Variants in ST6GAL1 observed in about 807,000 individuals in gnomAD.
ST6GAL1 encodes the protein beta-galactoside alpha-2,6-sialyltransferase 1.
Under a neutral mutation model 38.0 loss-of-function variants are expected in ST6GAL1, and 20 were observed. The observed-to-expected ratio is 0.53, with a 90% CI of 0.37 to 0.77. The LOEUF (loss-of-function observed/expected upper bound fraction) is 0.77. ST6GAL1 is among the 30% of genes least tolerant of loss of function. ST6GAL1 has a pLI of 0.00. For missense variants in ST6GAL1, 432 were observed against 496.4 expected (o/e 0.87, Z 1.23); for synonymous variants, 196 against 188.2 (o/e 1.04, Z -0.34).
At chr3:187,057,197 A>G (rs1718734867) in intron 5 of ST6GAL1, among the ~76,000 whole-genome samples, 1 of 152,060 alleles carries the variant, frequency 6.6e-6, no homozygotes, top group African/African-American at 2.4e-5. Context: ...CTAGTTAGCC[A>G]TTCATCTAAT....
chr3:186,994,665 T>C (rs755863317), intron 2 of ST6GAL1, among the ~76,000 whole-genome samples: 121 of 152,120 alleles, frequency 8.0e-4, no homozygotes, highest in Admixed American at 1.4e-3. Context: ...ATAGAGACCC[T>C]TTAAAAATAG....
Position 187,076,585 on chromosome 3 carries a change from C to T in ST6GAL1, c.*782C>T. 1 of 363,916 alleles carries T rather than the reference C, an allele frequency of 2.7e-6. No individual in the cohort carries two copies. Among genetic ancestry groups the T allele is most frequent in the Non-Finnish European group, 4.9e-6 (1 of 205,124 alleles). 22.5% of individuals were successfully genotyped at this position (363,916 alleles called of 1,614,324 possible). A position where few individuals can be genotyped will look rare whatever the true frequency, so the allele number is the denominator to read the frequency against. On this transcript the variant is annotated 3_prime_UTR_variant, in exon 8 of 8. Coordinates refer to ENST00000169298, the MANE Select transcript of ST6GAL1 (RefSeq NM_173216.2). ...GAGAGATGGGCTTGCTCTCTCTGTG[C>T]ACCCAGGAGGGCCACGCACTTAAAA...
chr3:187,008,317 AAAGAG>A (rs1716847417), intron 2 of ST6GAL1, among the ~76,000 whole-genome samples: 1 of 151,976 alleles, frequency 6.6e-6, no homozygotes, highest in Admixed American at 6.6e-5. Flanking sequence ...GGAAGGAAGA[AAAGAG>A]AAGAAAGGAA....
chr3:186,945,751 C>T (rs1714336281), intron 1 of ST6GAL1, among the ~76,000 whole-genome samples: 9 of 151,582 alleles, frequency 5.9e-5, no homozygotes, highest in Admixed American at 5.9e-4. Context: ...CTTTGGGAGG[C>T]CAAGGCGGGT....
At chr3:187,048,880 A>ATTTTTTTTTTTTTTTTTTTTT (rs374148828) in intron 4 of ST6GAL1, among the ~76,000 whole-genome samples, 10 of 115,444 alleles carry the variant, frequency 8.7e-5, no homozygotes, top group African/African-American at 3.4e-4. Flanking sequence ...GAGAAATTGA[A>ATTTTTTTTTTTTTTTTTTTTT]TTTTTTTTTT....
rs756704254 is a variant in ST6GAL1, at chr3:186,993,561, TTTATTTATTTATTTA to T, written c.-183+29638_-183+29652del. Among the ~76,000 whole-genome samples, 83 of 77,302 alleles carry T rather than the reference TTTATTTATTTATTTA, an allele frequency of 1.1e-3. 1 individual carries two copies. Among genetic ancestry groups the T allele is most frequent in the African/African-American group, 2.7e-3 (52 of 19,524 alleles). The allele number at this position is 77,302 out of a possible 152,430, so 50.7% of individuals were successfully genotyped here. A position where few individuals can be genotyped will look rare whatever the true frequency, so the allele number is the denominator to read the frequency against. ...AGTTAGATAACTTGACAGAGTTTTA[TTTATTTATTTATTTA>T]TTTATTTATTTATTTATTTATTTAT... On this transcript the variant is annotated intron_variant, in intron 2 of 7. Transcript: ENST00000169298.
At chr3:187,011,031 G>A (rs900078334) in intron 2 of ST6GAL1, among the ~76,000 whole-genome samples, 2 of 152,116 alleles carry the variant, frequency 1.3e-5, no homozygotes, top group East Asian at 3.9e-4. Context: ...CTCTTAATTC[G>A]TCTCAAAGTG....
At chr3:187,006,390 A>C (rs118014022) in intron 2 of ST6GAL1, 2 of 152,328 alleles carry the variant, frequency 1.3e-5, no homozygotes, top group East Asian at 3.9e-4. Context: ...GTATTTATCA[A>C]AACAAAAATT....
intron 2 of ST6GAL1, among the ~76,000 whole-genome samples, chr3:187,005,701 C>A (rs1358282877): frequency 6.6e-6 from 1 of 152,116 alleles, no homozygotes; most frequent in Non-Finnish European, 1.5e-5. Context: ...AAACCTGGTC[C>A]TTGTGCCCAA....
intron 4 of ST6GAL1, among the ~76,000 whole-genome samples, chr3:187,050,598 GAAAA>G (rs1718482079): frequency 6.6e-6 from 1 of 151,470 alleles, no homozygotes; most frequent in Non-Finnish European, 1.5e-5. Flanking sequence ...AGGAAGGAAG[GAAAA>G]GAAGGAAGGA....
intron 1 of ST6GAL1, among the ~76,000 whole-genome samples, chr3:186,956,832 G>A (rs992023935): frequency 3.9e-5 from 6 of 152,142 alleles, no homozygotes; most frequent in African/African-American, 1.4e-4. Flanking sequence ...GACAGCTAAC[G>A]ATCACCAGAT....
chr3:187,051,522 T>G (rs1396924335), intron 5 of ST6GAL1, 176 bp downstream of exon 5: 1 of 596,218 alleles, frequency 1.7e-6, no homozygotes, highest in Non-Finnish European at 3.0e-6. Flanking sequence ...CCTGATGATG[T>G]GTTTATTTAA....
chr3:186,959,435 ACACTC>A (rs1167414883), intron 1 of ST6GAL1, among the ~76,000 whole-genome samples: 1 of 152,164 alleles, frequency 6.6e-6, no homozygotes, highest in Non-Finnish European at 1.5e-5. Context: ...AATGGAGAAG[ACACTC>A]CTCGCTTCAT....
rs7559 is a variant in ST6GAL1, at chr3:187,078,265, T to C, written c.*2462T>C. ...TGTCTATGTGGACACTTTGGTAAAA[T>C]GCAAATTATGATATGGACGTTATCA... On this transcript the variant is annotated 3_prime_UTR_variant, in exon 8 of 8. Coordinates refer to ENST00000169298, the MANE Select transcript of ST6GAL1 (RefSeq NM_173216.2). The C allele has an allele frequency of 0.18, 27,153 of 152,472 alleles. 2,811 individuals carry two copies. The highest frequency in any genetic ancestry group is 0.28 in the African/African-American group (11,552 of 41,448). 9.4% of individuals were successfully genotyped at this position (152,472 alleles called of 1,614,324 possible).
intron 1 of ST6GAL1, among the ~76,000 whole-genome samples, chr3:186,943,555 T>C (rs1714254639): frequency 6.6e-6 from 1 of 152,190 alleles, no homozygotes; most frequent in African/African-American, 2.4e-5. Context: ...GTTCAAGCCA[T>C]TCCCCTGTCT....
chr3:186,933,710 T>C (rs1713842821), intron 1 of ST6GAL1, among the ~76,000 whole-genome samples: 4 of 152,162 alleles, frequency 2.6e-5, no homozygotes, highest in South Asian at 2.1e-4. Flanking sequence ...TACACAACAA[T>C]GCGTGGTCTA....
At chr3:186,974,726 T>TGG (rs59138183) in intron 2 of ST6GAL1, among the ~76,000 whole-genome samples, 6,838 of 145,468 alleles carry the variant, frequency 0.047, 223 homozygotes, top group Non-Finnish European at 0.061. Flanking sequence ...AGAGCCTGGT[T>TGG]GGGGGGGGGG....
intron 2 of ST6GAL1, among the ~76,000 whole-genome samples, chr3:187,003,205 A>T (rs548259243): frequency 3.3e-4 from 50 of 152,314 alleles, no homozygotes; most frequent in Non-Finnish European, 5.9e-4. Flanking sequence ...CAGCAAAAAC[A>T]ATGCCCCAGC....
chr3:187,065,108 C>G (rs1262296795), intron 5 of ST6GAL1, among the ~76,000 whole-genome samples: 2 of 152,014 alleles, frequency 1.3e-5, no homozygotes, highest in Non-Finnish European at 2.9e-5. Flanking sequence ...AAGTGATTCC[C>G]CTGCCTCGGT....
Sources: gnomAD v4.1 joint callset for allele counts (sites outside exome capture counted in the v4.1 genomes callset) on GRCh38, gnomAD v4.1.1 for gene constraint, MANE v1.5 for transcripts, NCBI Gene and HGNC (gene_info 2026-07-23, HGNC 2026-07-21) for gene names.